Variants in TMTC1 observed in about 807,000 individuals in gnomAD.
The protein encoded by TMTC1 is transmembrane O-mannosyltransferase targeting cadherins 1.
Under a neutral mutation model 104.8 loss-of-function variants are expected in TMTC1, and 73 were observed. The observed-to-expected ratio is 0.70, with a 90% CI of 0.58 to 0.85. The LOEUF is 0.85. TMTC1 is among the 40% of genes least tolerant of loss of function. TMTC1 has a pLI of 0.00. For synonymous variants in TMTC1, 434 were observed against 428.7 expected (o/e 1.01, Z -0.15); for missense variants, 1,035 against 1,096.1 (o/e 0.94, Z 0.79).
At chr12:29,741,980 A>G (rs1224787333) in intron 5 of TMTC1, among the ~76,000 whole-genome samples, 1 of 152,218 alleles carries the variant, frequency 6.6e-6, no homozygotes, top group African/African-American at 2.4e-5. Context: ...TTTTAAAATC[A>G]AAGCTTTTTT....
chr12:29,615,726 A>G (rs528540918), intron 6 of TMTC1, among the ~76,000 whole-genome samples: 1 of 152,336 alleles, frequency 6.6e-6, no homozygotes, highest in East Asian at 1.9e-4. Flanking sequence ...ATTGGTTTCA[A>G]GGTCTTAGGT....
chr12:29,635,445 A>G (rs1037311983), intron 5 of TMTC1, among the ~76,000 whole-genome samples: 1 of 152,222 alleles, frequency 6.6e-6, no homozygotes, highest in African/African-American at 2.4e-5. Flanking sequence ...GCTCTTAAAA[A>G]TGACTTTAAA....
intron 10 of TMTC1, among the ~76,000 whole-genome samples, chr12:29,555,863 T>C (rs1488862043): frequency 1.3e-5 from 2 of 152,162 alleles, no homozygotes; most frequent in African/African-American, 4.8e-5. Context: ...CTGGGTCAAA[T>C]GGTATTTCTG....
intron 5 of TMTC1, among the ~76,000 whole-genome samples, chr12:29,686,855 T>A (rs1941109962): frequency 6.6e-6 from 1 of 152,016 alleles, no homozygotes. Flanking sequence ...TTATTTGAAG[T>A]TTTTTTTGTC....
chr12:29,681,035 G>T (rs569835093), intron 5 of TMTC1, among the ~76,000 whole-genome samples: 2 of 146,910 alleles, frequency 1.4e-5, no homozygotes, highest in Admixed American at 7.0e-5. Flanking sequence ...GGAGGCAGAG[G>T]TTGCAGTGAG....
chr12:29,642,935 A>T, intron 5 of TMTC1, among the ~76,000 whole-genome samples: 1 of 150,556 alleles, frequency 6.6e-6, no homozygotes, highest in Non-Finnish European at 1.5e-5. Context: ...AAAAAAAAAA[A>T]CTCCCAAACA....
intron 5 of TMTC1, among the ~76,000 whole-genome samples, chr12:29,716,232 G>C (rs1942077806): frequency 6.6e-6 from 1 of 151,948 alleles, no homozygotes; most frequent in South Asian, 2.1e-4. Context: ...ATGTTTCCCA[G>C]GCTGGTCTTG....
intron 16 of TMTC1, among the ~76,000 whole-genome samples, chr12:29,513,748 C>A (rs1054727794): frequency 6.6e-6 from 1 of 152,054 alleles, no homozygotes; most frequent in African/African-American, 2.4e-5. Context: ...TATTCCAAAA[C>A]CATAGATACT....
At chr12:29,760,983 T>C (rs1042937887) in intron 2 of TMTC1, among the ~76,000 whole-genome samples, 2 of 144,014 alleles carry the variant, frequency 1.4e-5, no homozygotes, top group East Asian at 2.1e-4. Flanking sequence ...TTATATATTA[T>C]GTATTTTTTA....
intron 5 of TMTC1, chr12:29,666,079 T>G: frequency 1.1e-5 from 4 of 374,582 alleles, no homozygotes; most frequent in South Asian, 8.0e-5. Context: ...AACAGACCCA[T>G]CCTCACCTTA....
At position 29,758,772 on chromosome 12, in the gene TMTC1, A is replaced by T; in HGVS notation, c.486T>A (p.Ala162=). ...AVHPIHTEAV[A]GIVGRADVLA... ...ACACGTCCGCTCTGCCAACGATCCC[A>T]GCCACCTTGGAAGTTAAAATAATAA... Residue 162 remains alanine (A), a synonymous_variant, in exon 3 of 18, where the codon GCT becomes GCA. Coordinates refer to ENST00000539277, the MANE Select transcript of TMTC1 (RefSeq NM_001193451.2). 1 of 1,605,438 alleles carries T rather than the reference A, an allele frequency of 6.2e-7. No homozygotes were observed.
At chr12:29,761,245 A>T (rs1943341976) in intron 2 of TMTC1, among the ~76,000 whole-genome samples, 1 of 151,222 alleles carries the variant, frequency 6.6e-6, no homozygotes, top group South Asian at 2.1e-4. Context: ...ACTGAAGAGA[A>T]ATGACTAATG....
intron 10 of TMTC1, among the ~76,000 whole-genome samples, chr12:29,543,340 G>T (rs1252346242): frequency 1.3e-5 from 2 of 152,182 alleles, no homozygotes; most frequent in Non-Finnish European, 2.9e-5. Flanking sequence ...TGTCAATTTA[G>T]AGAACTTTTT....
At chr12:29,734,182 T>C (rs1942613832) in intron 5 of TMTC1, among the ~76,000 whole-genome samples, 1 of 152,242 alleles carries the variant, frequency 6.6e-6, no homozygotes, top group East Asian at 1.9e-4. Context: ...TTTTTCCTAA[T>C]TCAATACTGC....
intron 5 of TMTC1, among the ~76,000 whole-genome samples, chr12:29,674,502 C>T (rs1940646893): frequency 6.6e-6 from 1 of 152,174 alleles, no homozygotes; most frequent in Admixed American, 6.5e-5. Flanking sequence ...TCTGTCAGCT[C>T]CCTCCTTCCT....
intron 5 of TMTC1, among the ~76,000 whole-genome samples, chr12:29,750,954 T>C (rs302333): frequency 0.85 from 128,805 of 152,292 alleles, 54,758 homozygotes; most frequent in Admixed American, 0.88. Flanking sequence ...CCACACCCTG[T>C]CCCAGCAGGG....
At chr12:29,636,039 A>C (rs1938532225) in intron 5 of TMTC1, among the ~76,000 whole-genome samples, 1 of 152,266 alleles carries the variant, frequency 6.6e-6, no homozygotes, top group Non-Finnish European at 1.5e-5. Flanking sequence ...TCACTGTTAA[A>C]GTGTGATAAT....
At chr12:29,648,702 G>A (rs1453676991) in intron 5 of TMTC1, among the ~76,000 whole-genome samples, 1 of 151,922 alleles carries the variant, frequency 6.6e-6, no homozygotes, top group African/African-American at 2.4e-5. Flanking sequence ...GAGAATGAAA[G>A]CATATATAAT....
chr12:29,536,559 A>G (rs1187032364), intron 10 of TMTC1, among the ~76,000 whole-genome samples: 1 of 152,046 alleles, frequency 6.6e-6, no homozygotes, highest in African/African-American at 2.4e-5. Flanking sequence ...ACTTTTTTCT[A>G]CCTTCTGTTT....
Sources: allele counts gnomAD v4.1 joint callset (sites outside exome capture counted in the v4.1 genomes callset), GRCh38; gene constraint gnomAD v4.1.1; transcripts MANE v1.5; gene names NCBI Gene and HGNC (gene_info 2026-07-23, HGNC 2026-07-21).